BCL2: variants seen among roughly 807,000 people sequenced by gnomAD.
BCL2 encodes BCL2 apoptosis regulator, also known as apoptosis regulator Bcl-2.
In BCL2, 1 loss-of-function variant was observed where a neutral mutation model predicts 14.2. The observed-to-expected ratio is 0.07, with a 90% CI of 0.02 to 0.33. The LOEUF (loss-of-function observed/expected upper bound fraction) is 0.33, where lower values mean the gene tolerates loss of function less well. BCL2 is among the 10% of genes least tolerant of loss of function. BCL2 has a pLI of 0.99. For synonymous variants in BCL2, 151 were observed against 137.2 expected, an observed-to-expected ratio of 1.10 and a Z score of -0.70; for missense variants, 247 against 305.9, an observed-to-expected ratio of 0.81 and a Z score of 1.44.
chr18:63,209,008 G>A (rs1210146555), intron 2 of BCL2, among the ~76,000 whole-genome samples: 1 of 152,214 alleles, frequency 6.6e-6, no homozygotes, highest in Non-Finnish European at 1.5e-5. Flanking sequence ...ATTAGTGTCA[G>A]CTCAGAGCCA....
intron 2 of BCL2, among the ~76,000 whole-genome samples, chr18:63,256,248 G>T (rs780849453): frequency 6.6e-6 from 1 of 152,120 alleles, no homozygotes; most frequent in Non-Finnish European, 1.5e-5. Context: ...ACCGAGTCTC[G>T]CTCTGTCACC....
At chr18:63,270,453 G>T (rs1288603181) in intron 2 of BCL2, among the ~76,000 whole-genome samples, 2 of 152,014 alleles carry the variant, frequency 1.3e-5, no homozygotes, top group African/African-American at 4.8e-5. Flanking sequence ...GCATTTAAAA[G>T]GTATATGCAG....
intron 2 of BCL2, among the ~76,000 whole-genome samples, chr18:63,224,287 T>C (rs1372815459): frequency 6.6e-6 from 1 of 152,140 alleles, no homozygotes; most frequent in African/African-American, 2.4e-5. Context: ...AACACAGTCT[T>C]GACAGATTGA....
At chr18:63,163,831 T>C (rs1211090626) in intron 2 of BCL2, among the ~76,000 whole-genome samples, 1 of 152,196 alleles carries the variant, frequency 6.6e-6, no homozygotes, top group Non-Finnish European at 1.5e-5. Context: ...TTGTCCAAAG[T>C]CACATAGTGG....
At chr18:63,287,988 T>C (rs934317447) in intron 2 of BCL2, among the ~76,000 whole-genome samples, 7 of 152,182 alleles carry the variant, frequency 4.6e-5, no homozygotes, top group African/African-American at 1.7e-4. Flanking sequence ...AGTGATATCA[T>C]TAAGCAGACA....
At chr18:63,298,513 A>T (rs1423774671) in intron 2 of BCL2, among the ~76,000 whole-genome samples, 2 of 152,250 alleles carry the variant, frequency 1.3e-5, no homozygotes, top group Non-Finnish European at 2.9e-5. Flanking sequence ...TTTCTTTGGG[A>T]CAAAGGACAA....
At chr18:63,227,627 C>A (rs1910584633) in intron 2 of BCL2, among the ~76,000 whole-genome samples, 1 of 152,010 alleles carries the variant, frequency 6.6e-6, no homozygotes, top group African/African-American at 2.4e-5. Flanking sequence ...TAATGTGAGG[C>A]AGAATAAGAA....
In BCL2 at chr18:63,202,653, C is replaced by T. The variant is rs12457361; in HGVS notation, c.586-73894G>A. ...ATTATTGCTTGGCTGTATTTCCAAA[C>T]TTCCATCATAGGCTACTTTGATTAG... On this transcript the variant is annotated intron_variant, in intron 2 of 2. Transcript: ENST00000333681. Among the ~76,000 whole-genome samples the T allele has an allele frequency of 4.5e-3, 682 of 152,296 alleles. 3 individuals are homozygous for T. Among genetic ancestry groups the T allele is most frequent in the Non-Finnish European group, 6.6e-3 (447 of 68,024 alleles).
chr18:63,292,075 G>A (rs1366041532), intron 2 of BCL2, among the ~76,000 whole-genome samples: 1 of 152,072 alleles, frequency 6.6e-6, no homozygotes, highest in Non-Finnish European at 1.5e-5. Context: ...AAGACCTAAC[G>A]AATGACTTAA....
intron 2 of BCL2, among the ~76,000 whole-genome samples, chr18:63,154,257 C>T (rs1201046199): frequency 6.6e-6 from 1 of 152,188 alleles, no homozygotes; most frequent in Non-Finnish European, 1.5e-5. Context: ...GATGTCTCCT[C>T]TTTCTGGTCT....
rs145882966 is a variant in BCL2, at chr18:63,142,417, G to A, written c.586-13658C>T. On this transcript the variant is annotated intron_variant, in intron 2 of 2. Coordinates refer to ENST00000333681, the MANE Select transcript of BCL2 (RefSeq NM_000633.3). The stretch of plus-strand genomic sequence containing the variant: ...CTCCAGGGAGCCCTGATGACCTACC[G>A]CAGGCCCAGACATCTGTCGAGGACC... Among the ~76,000 whole-genome samples the A allele has an allele frequency of 5.4e-3, 825 of 152,354 alleles. 8 individuals are homozygous for A. The highest frequency in any genetic ancestry group is 0.019 in the African/African-American group (787 of 41,578).
chr18:63,140,180 C>A (rs964299060), intron 2 of BCL2, among the ~76,000 whole-genome samples: 1 of 152,108 alleles, frequency 6.6e-6, no homozygotes, highest in Admixed American at 6.5e-5. Context: ...GAAATTGAAA[C>A]CCCTGCACAT....
chr18:63,231,359 T>C (rs1054451022), intron 2 of BCL2, among the ~76,000 whole-genome samples: 9 of 151,860 alleles, frequency 5.9e-5, no homozygotes, highest in Non-Finnish European at 2.9e-5. Flanking sequence ...CTTGCTGATG[T>C]AATAAAGCAA....
chr18:63,318,916 T>C lies in BCL2; in HGVS notation c.-250A>G. On this transcript the variant is annotated 5_prime_UTR_variant, in exon 2 of 3. Coordinates refer to ENST00000333681, the MANE Select transcript of BCL2 (RefSeq NM_000633.3). The surrounding 1 kb of genome is among the most constrained non-coding windows in gnomAD (Gnocchi z 7.4). ...ATTTCATGAGGCACGTTATTATTAG[T>C]AAGTATTGTTAATATCAGTCTACTT... 7.2e-7 allele frequency: 1 copy of C among 1,394,698 alleles called. No individual in the cohort carries two copies. The highest frequency in any genetic ancestry group is 9.3e-7 in the Non-Finnish European group (1 of 1,069,638). 86.4% of individuals were successfully genotyped at this position (1,394,698 alleles called of 1,614,324 possible). A position where few individuals can be genotyped will look rare whatever the true frequency, so the allele number is the denominator to read the frequency against.
intron 2 of BCL2, among the ~76,000 whole-genome samples, chr18:63,185,272 G>A (rs1915566909): frequency 6.6e-6 from 1 of 152,206 alleles, no homozygotes; most frequent in South Asian, 2.1e-4. Flanking sequence ...TATTTCTATG[G>A]AAAAGCAGTG....
intron 2 of BCL2, among the ~76,000 whole-genome samples, chr18:63,162,658 C>A (rs1433034953): frequency 6.6e-6 from 1 of 152,066 alleles, no homozygotes; most frequent in Non-Finnish European, 1.5e-5. Context: ...CAGCTACTGT[C>A]GCCTGATTTT....
chr18:63,264,390 C>T (rs763256276), intron 2 of BCL2, among the ~76,000 whole-genome samples: 10 of 152,100 alleles, frequency 6.6e-5, no homozygotes, highest in Non-Finnish European at 1.3e-4. Flanking sequence ...TTTTAATTAA[C>T]GGCCAGAGAG....
At chr18:63,247,024 G>C (rs934424112) in intron 2 of BCL2, among the ~76,000 whole-genome samples, 1 of 152,188 alleles carries the variant, frequency 6.6e-6, no homozygotes, top group Non-Finnish European at 1.5e-5. Context: ...TTCAACACTA[G>C]CAGCTGAGCT....
intron 2 of BCL2, chr18:63,316,107 C>T (rs1361170575): frequency 1.3e-5 from 2 of 152,560 alleles, no homozygotes; most frequent in Admixed American, 6.5e-5. Flanking sequence ...GATAGGTCTA[C>T]TATGAAAACT....
Sources: gnomAD v4.1 joint callset for allele counts (sites outside exome capture counted in the v4.1 genomes callset) on GRCh38, gnomAD v4.1.1 for gene constraint, Gnocchi (gnomAD v3.1) non-coding constraint, MANE v1.5 for transcripts, NCBI Gene and HGNC (gene_info 2026-07-23, HGNC 2026-07-21) for gene names.